SNX29: variants seen among roughly 807,000 people sequenced by gnomAD.
The protein encoded by SNX29 is sorting nexin-29.
In SNX29, 78 loss-of-function variants were observed where a neutral mutation model predicts 102.1. The ratio of observed to expected loss-of-function variants is 0.76; its 90% CI spans 0.64 to 0.92. SNX29 has a LOEUF of 0.92. Among genes scored for constraint, SNX29 ranks in the 40% least tolerant of loss-of-function variants. The pLI, the probability that SNX29 is intolerant of heterozygous loss-of-function variation, is 0.00. For synonymous variants in SNX29, 580 were observed against 414.5 expected, an observed-to-expected ratio of 1.40 and a Z score of -4.85; for missense variants, 1,280 against 1,061.7, an observed-to-expected ratio of 1.21 and a Z score of -2.86.
chr16:12,412,478 T>C (rs2084442228), intron 18 of SNX29, among the ~76,000 whole-genome samples: 1 of 152,230 alleles, frequency 6.6e-6, no homozygotes. Flanking sequence ...GGGCAGCTGA[T>C]ACTGGTGACA....
chr16:12,133,491 A>G (rs960871517), intron 13 of SNX29, among the ~76,000 whole-genome samples: 2 of 151,534 alleles, frequency 1.3e-5, no homozygotes, highest in Non-Finnish European at 2.9e-5. Flanking sequence ...GGGTTTTGCC[A>G]TGTTGCCCAG....
In SNX29 at chr16:12,539,121, A is replaced by T. The variant is rs192591071; in HGVS notation, c.2318+14280A>T. ...TCCTACTTGCCTTTACTTTCACAAA[A>T]AATTTTTAATTTACACAGTGCAATT... On this transcript the variant is annotated intron_variant, in intron 20 of 20. Coordinates refer to ENST00000566228, the MANE Select transcript of SNX29 (RefSeq NM_032167.5). 2.0e-4 allele frequency among the ~76,000 whole-genome samples: 30 copies of T among 152,300 alleles called. No homozygotes were observed. The East Asian group carries it at 5.8e-3, about 29-fold the overall frequency.
At position 12,568,602 on chromosome 16, in the gene SNX29, C is replaced by T. The variant is rs572049168; in HGVS notation, c.2415C>T (p.Asn805=). ...LSRGQPRETR[N]VEPQSGDL is the part of the protein sequence containing the mutation. ...GGGGTCAGCCCCGGGAGACCCGCAA[C>T]GTGGAGCCCCAGAGCGGTGACCTCT... Residue 805 remains asparagine (N), a synonymous_variant, in exon 21 of 21, where the codon AAC becomes AAT. Coordinates refer to ENST00000566228, the MANE Select transcript of SNX29 (RefSeq NM_032167.5). 17 of 1,605,446 alleles carry T rather than the reference C, an allele frequency of 1.1e-5. No individual in the cohort carries two copies. The highest frequency in any genetic ancestry group is 3.3e-5 in the Admixed American group (2 of 60,008).
chr16:12,034,074 A>C (rs1207801702), intron 4 of SNX29, among the ~76,000 whole-genome samples: 1 of 152,208 alleles, frequency 6.6e-6, no homozygotes, highest in Non-Finnish European at 1.5e-5. Flanking sequence ...AGCGGTGGTA[A>C]TATACCCATA....
chr16:12,305,851 G>T (rs1051789281), intron 15 of SNX29, among the ~76,000 whole-genome samples: 2 of 152,140 alleles, frequency 1.3e-5, no homozygotes, highest in African/African-American at 2.4e-5. Context: ...GTACATCAGG[G>T]TGGAGTACCG....
chr16:12,554,004 T>A (rs67804702), intron 20 of SNX29, among the ~76,000 whole-genome samples: 1 of 152,084 alleles, frequency 6.6e-6, no homozygotes, highest in Non-Finnish European at 1.5e-5. Flanking sequence ...TTTGTATTTT[T>A]AGTAGAGACA....
At chr16:12,116,059 T>C (rs1178982647) in intron 11 of SNX29, among the ~76,000 whole-genome samples, 1 of 152,230 alleles carries the variant, frequency 6.6e-6, no homozygotes, top group Non-Finnish European at 1.5e-5. Flanking sequence ...GACAAAGATA[T>C]CTGCCATACT....
At chr16:12,072,134 C>G (rs568162359) in intron 10 of SNX29, among the ~76,000 whole-genome samples, 3 of 152,284 alleles carry the variant, frequency 2.0e-5, no homozygotes, top group South Asian at 4.1e-4. Context: ...TTGACTTCCT[C>G]TTTTCCTAAC....
intron 13 of SNX29, among the ~76,000 whole-genome samples, chr16:12,198,822 T>A (rs560760860): frequency 6.6e-6 from 1 of 152,374 alleles, no homozygotes; most frequent in African/African-American, 2.4e-5. Flanking sequence ...ATGAAGCATC[T>A]TTCCGCTGAA....
At chr16:12,214,657 G>A (rs2077274935) in intron 14 of SNX29, among the ~76,000 whole-genome samples, 1 of 151,992 alleles carries the variant, frequency 6.6e-6, no homozygotes, top group Non-Finnish European at 1.5e-5. Context: ...TAATTCACTG[G>A]TTTATGGCTT....
At chr16:12,004,548 G>A (rs2056393111) in intron 3 of SNX29, among the ~76,000 whole-genome samples, 1 of 152,098 alleles carries the variant, frequency 6.6e-6, no homozygotes, top group African/African-American at 2.4e-5. Context: ...GGGGTGGCAG[G>A]AGGGACATTC....
At chr16:12,391,062 C>T (rs1427259209) in intron 16 of SNX29, among the ~76,000 whole-genome samples, 6 of 152,084 alleles carry the variant, frequency 3.9e-5, no homozygotes, top group Non-Finnish European at 7.4e-5. Context: ...CCTTCCACTT[C>T]AGCCTTAAGA....
chr16:12,499,980 ATTTAT>A (rs953966933), intron 19 of SNX29, among the ~76,000 whole-genome samples: 1 of 151,212 alleles, frequency 6.6e-6, no homozygotes, highest in African/African-American at 2.4e-5. Context: ...CCCAGCCTGC[ATTTAT>A]TTTATTTTAA....
At chr16:12,010,083 C>G (rs186247233) in intron 3 of SNX29, among the ~76,000 whole-genome samples, 45 of 152,256 alleles carry the variant, frequency 3.0e-4, no homozygotes, top group Non-Finnish European at 5.7e-4. Context: ...ATCCTCAACT[C>G]TGAAATGGGT....
Position 12,403,434 on chromosome 16 carries a change from T to C in SNX29, c.1956-14T>C. ...AATGTCTAATGTTGGTCTCTCTCTC[T>C]TCCTTTTGGTTAGATCAAACCGGGC... On this transcript the variant is annotated splice_polypyrimidine_tract_variant and intron_variant, in intron 17 of 20. Coordinates refer to ENST00000566228, the MANE Select transcript of SNX29 (RefSeq NM_032167.5). 1 of 1,598,096 alleles carries C rather than the reference T, an allele frequency of 6.3e-7. No homozygotes were observed. The highest frequency in any genetic ancestry group is 8.5e-7 in the Non-Finnish European group (1 of 1,171,324).
At chr16:12,027,288 G>C (rs1311294070) in intron 3 of SNX29, 32 bp from the exon 4 acceptor site, 1 of 1,611,666 alleles carries the variant, frequency 6.2e-7, no homozygotes, top group East Asian at 2.2e-5. Context: ...CCCTTTTCTG[G>C]GGGGACTGAT....
intron 20 of SNX29, among the ~76,000 whole-genome samples, chr16:12,558,926 CAT>C (rs2078544797): frequency 6.6e-6 from 1 of 152,204 alleles, no homozygotes; most frequent in African/African-American, 2.4e-5. Flanking sequence ...TGTTTAATCT[CAT>C]AGGTGGGTTG....
At chr16:12,350,424 A>C (rs2081961036) in intron 15 of SNX29, among the ~76,000 whole-genome samples, 2 of 152,160 alleles carry the variant, frequency 1.3e-5, no homozygotes, top group South Asian at 4.1e-4. Flanking sequence ...GCAGATACTA[A>C]AACATCATTT....
chr16:12,140,696 C>T (rs1241071280), intron 13 of SNX29, among the ~76,000 whole-genome samples: 1 of 152,138 alleles, frequency 6.6e-6, no homozygotes, highest in Non-Finnish European at 1.5e-5. Context: ...AATCTGGGCT[C>T]AGCCATTCTA....
Sources: allele counts gnomAD v4.1 joint callset (sites outside exome capture counted in the v4.1 genomes callset), GRCh38; gene constraint gnomAD v4.1.1; transcripts MANE v1.5; gene names NCBI Gene and HGNC (gene_info 2026-07-23, HGNC 2026-07-21).